ACADSB: variants seen among roughly 807,000 people sequenced by gnomAD.
The protein encoded by ACADSB is acyl-CoA dehydrogenase short/branched chain.
A neutral mutation model predicts 54.1 loss-of-function variants in ACADSB; 40 were observed. The observed-to-expected ratio is 0.74, with a 90% CI of 0.57 to 0.96. The LOEUF is 0.96. ACADSB is among the 40% of genes least tolerant of loss of function. The pLI is 0.00. For synonymous variants in ACADSB, 182 were observed against 182.8 expected (o/e 1.00, Z 0.03); for missense variants, 530 against 510.4 (o/e 1.04, Z -0.37).
At chr10:123,013,599 G>T (rs1017669289) in intron 1 of ACADSB, among the ~76,000 whole-genome samples, 2 of 152,252 alleles carry the variant, frequency 1.3e-5, no homozygotes, top group Non-Finnish European at 2.9e-5. Context: ...GCCCACTGGC[G>T]GTGGCGGGGA....
intron 7 of ACADSB, 73 bp downstream of exon 7, chr10:123,044,558 A>C: frequency 3.3e-6 from 4 of 1,206,184 alleles, no homozygotes; most frequent in Non-Finnish European, 4.9e-6. Context: ...AATGAGACCA[A>C]TGAATATTTG....
intron 8 of ACADSB, among the ~76,000 whole-genome samples, chr10:123,049,568 C>T (rs1589745231): frequency 6.6e-6 from 1 of 152,158 alleles, no homozygotes; most frequent in Non-Finnish European, 1.5e-5. Context: ...AGCCAAATTC[C>T]TAGAACAGTG....
chr10:123,052,187 CG>C lies in ACADSB; in HGVS notation c.1129-870del, dbSNP rs1338728859. Among the ~76,000 whole-genome samples the C allele has an allele frequency of 2.0e-5, 3 of 152,280 alleles. No homozygotes were observed. The East Asian group carries it at 5.8e-4, about 29-fold the overall frequency. Reference sequence around the variant, plus strand: ...CTGCTATAACAAATTACCAAAAAGTCGGGGACCTAAAACAACGCAGTTTCAT... The same window carrying C: ...CTGCTATAACAAATTACCAAAAAGTCGGGACCTAAAACAACGCAGTTTCAT... On this transcript the variant is annotated intron_variant, in intron 9 of 10. Transcript: ENST00000358776. The surrounding 1 kb of genome is among the most constrained non-coding windows in gnomAD (Gnocchi z 4.2).
chr10:123,032,281 G>C (rs17660222), intron 1 of ACADSB, among the ~76,000 whole-genome samples: 19,618 of 151,816 alleles, frequency 0.13, 1,386 homozygotes, highest in Middle Eastern at 0.22. Flanking sequence ...ACCCGGCCTC[G>C]TGAGCTTTCT....
In ACADSB at chr10:123,037,811, G is replaced by A; in HGVS notation, c.267G>A (p.Met89Ile). 6.2e-7 allele frequency: 1 copy of A among 1,610,328 alleles called. No individual in the cohort carries two copies. Among genetic ancestry groups the A allele is most frequent in the Non-Finnish European group, 8.5e-7 (1 of 1,176,838 alleles). ...LVSTMDENSK[M>I]EKSVIQGLFQ... ...CAACCATGGATGAAAATTCGAAAAT[G>A]GAGAAATCAGTAATACAAGGATTAT... Residue 89 changes from methionine (M) to isoleucine (I), a missense_variant, in exon 3 of 11, where the codon ATG (methionine) becomes ATA (isoleucine). Coordinates refer to ENST00000358776, the MANE Select transcript of ACADSB (RefSeq NM_001609.4).
At chr10:123,018,784 G>A (rs1020524726) in intron 1 of ACADSB, among the ~76,000 whole-genome samples, 2 of 152,168 alleles carry the variant, frequency 1.3e-5, no homozygotes, top group African/African-American at 4.8e-5. Flanking sequence ...AGAAGTGCAG[G>A]GGAACTGCCC....
intron 10 of ACADSB, among the ~76,000 whole-genome samples, chr10:123,053,421 T>G (rs1250267793): frequency 6.6e-6 from 1 of 152,224 alleles, no homozygotes; most frequent in African/African-American, 2.4e-5. Flanking sequence ...AATAACAGTC[T>G]GAGCTTATGC....
intron 1 of ACADSB, among the ~76,000 whole-genome samples, chr10:123,013,652 G>T (rs117055374): frequency 6.6e-6 from 1 of 152,248 alleles, no homozygotes; most frequent in Non-Finnish European, 1.5e-5. Flanking sequence ...CCTGCCCCGC[G>T]GAGAGGCAGC....
At chr10:123,047,324 C>G (rs1462680844) in intron 8 of ACADSB, 26 bp downstream of exon 8, 2 of 1,438,666 alleles carry the variant, frequency 1.4e-6, no homozygotes, top group East Asian at 4.5e-5. Flanking sequence ...GGTCTTTCTG[C>G]TGTGTTAGAC....
intron 3 of ACADSB, among the ~76,000 whole-genome samples, chr10:123,039,839 T>C (rs370293964): frequency 1.3e-5 from 2 of 152,170 alleles, no homozygotes; most frequent in African/African-American, 4.8e-5. Context: ...AGAAAGGTCA[T>C]CTAAGTATAT....
At chr10:123,046,981 G>A (rs1850568346) in intron 7 of ACADSB, among the ~76,000 whole-genome samples, 1 of 152,166 alleles carries the variant, frequency 6.6e-6, no homozygotes, top group African/African-American at 2.4e-5. Context: ...AATTAAATGT[G>A]CTCATATTCA....
At chr10:123,017,058 T>C (rs1421513603) in intron 1 of ACADSB, among the ~76,000 whole-genome samples, 1 of 152,172 alleles carries the variant, frequency 6.6e-6, no homozygotes, top group Admixed American at 6.5e-5. Context: ...TTGGCATCTA[T>C]TTAAGTGTTT....
chr10:123,017,080 C>T (rs1462992691), intron 1 of ACADSB, among the ~76,000 whole-genome samples: 1 of 152,124 alleles, frequency 6.6e-6, no homozygotes, highest in Non-Finnish European at 1.5e-5. Context: ...TTCTGACTAT[C>T]TTCCCTGAAA....
intron 8 of ACADSB, among the ~76,000 whole-genome samples, chr10:123,048,124 C>T (rs1850583516): frequency 6.6e-6 from 1 of 152,182 alleles, no homozygotes; most frequent in South Asian, 2.1e-4. Flanking sequence ...GTTGCAAAAC[C>T]TCCCCTTAAG....
Position 123,041,377 on chromosome 10 carries a change from A to T in ACADSB, c.679A>T (p.Ile227Phe). The change falls in exon 5 of 11, where the codon ATT becomes TTT. Residue 227 changes from isoleucine (I) to phenylalanine (F), a missense_variant and splice_region_variant. Transcript: ENST00000358776. Reference sequence around the variant, plus strand: ...GGTGATGGCAAATGTAGACCCTACCATTGTAAGTTTGAAAACGAAATTTCT... The same window carrying T: ...GGTGATGGCAAATGTAGACCCTACCTTTGTAAGTTTGAAAACGAAATTTCT... ...FLVMANVDPT[I>F]GYKGITSFLV... 1 of 1,614,162 alleles carries T rather than the reference A, an allele frequency of 6.2e-7. No individual in the cohort carries two copies. Among genetic ancestry groups the T allele is most frequent in the Non-Finnish European group, 8.5e-7 (1 of 1,179,998 alleles).
chr10:123,013,719 C>T (rs575660384), intron 1 of ACADSB, among the ~76,000 whole-genome samples: 33 of 152,346 alleles, frequency 2.2e-4, no homozygotes, highest in Non-Finnish European at 4.3e-4. Flanking sequence ...CTGGGGGACC[C>T]GGCGCACCCT....
chr10:123,040,433 T>A (rs780829520), intron 3 of ACADSB, 33 bp from the exon 4 acceptor site: 21 of 1,568,662 alleles, frequency 1.3e-5, no homozygotes, highest in Admixed American at 1.7e-5. Context: ...AAAAATAGCT[T>A]TCTTAATCTA....
chr10:123,040,979 A>G (rs1589741370), intron 4 of ACADSB, among the ~76,000 whole-genome samples: 1 of 152,294 alleles, frequency 6.6e-6, no homozygotes, highest in Non-Finnish European at 1.5e-5. Flanking sequence ...AATTATTCAA[A>G]TCAATTTCAA....
rs1850368049 is a variant in ACADSB at position 123,034,337 on chromosome 10, G to A, written c.43-19G>A. On this transcript the variant is annotated intron_variant, in intron 1 of 10. Coordinates refer to ENST00000358776, the MANE Select transcript of ACADSB (RefSeq NM_001609.4). ...TGATATTCAAGTACCTTTCTTTCAT[G>A]TGTGTATGTTCCCTACAGCTAAGAA... The A allele has an allele frequency of 6.2e-7, 1 of 1,611,708 alleles. No individual in the cohort carries two copies. The highest frequency in any genetic ancestry group is 2.2e-5 in the East Asian group (1 of 44,852).
Sources: gnomAD v4.1 joint callset for allele counts (sites outside exome capture counted in the v4.1 genomes callset) on GRCh38, gnomAD v4.1.1 for gene constraint, Gnocchi (gnomAD v3.1) non-coding constraint, MANE v1.5 for transcripts, NCBI Gene and HGNC (gene_info 2026-07-23, HGNC 2026-07-21) for gene names.